The following LINGO2 variants were observed in gnomAD, a reference collection of about 807,000 sequenced individuals.
LINGO2 encodes leucine-rich repeat and immunoglobulin-like domain-containing nogo receptor-interacting protein 2.
In LINGO2, 14 loss-of-function variants were observed where a neutral mutation model predicts 30.6. The ratio of observed to expected loss-of-function variants is 0.46; its 90% confidence interval spans 0.30 to 0.72. LINGO2 has a LOEUF of 0.72. Ranked by LOEUF, LINGO2 falls within the 30% of genes least tolerant of loss-of-function variation. The pLI is 0.07. For missense variants in LINGO2, 729 were observed against 751.7 expected (o/e 0.97, Z 0.35); for synonymous variants, 317 against 288.5 (o/e 1.10, Z -1.00).
At chr9:29,030,551 T>C in the LINGO2 span, among the ~76,000 whole-genome samples, 5 of 152,290 alleles carry the variant, frequency 3.3e-5, no homozygotes, top group Non-Finnish European at 7.4e-5. Context: ...TTCATGACCA[T>C]GACACTTTTG....
At chr9:28,732,279 A>C in the LINGO2 span, among the ~76,000 whole-genome samples, 1 of 152,136 alleles carries the variant, frequency 6.6e-6, no homozygotes. Context: ...AAGCAAACTA[A>C]AATTTTTAGA....
At chr9:29,016,050 G>A in the LINGO2 span, among the ~76,000 whole-genome samples, 1 of 152,022 alleles carries the variant, frequency 6.6e-6, no homozygotes, top group Non-Finnish European at 1.5e-5. Flanking sequence ...CCTTGCTCAA[G>A]GTATTCATTT....
At chr9:28,401,828 CT>C (rs1822280368) in intron 2 of LINGO2, among the ~76,000 whole-genome samples, 2 of 152,138 alleles carry the variant, frequency 1.3e-5, no homozygotes, top group African/African-American at 4.8e-5. Flanking sequence ...AATTGCCATT[CT>C]GACTGGCATG....
intron 1 of LINGO2, among the ~76,000 whole-genome samples, chr9:28,570,971 GA>G (rs952748010): frequency 1.3e-4 from 19 of 146,086 alleles, no homozygotes; most frequent in East Asian, 4.0e-4. Context: ...ATATTCAACT[GA>G]AAAAAAAAGA....
At chr9:28,556,678 C>T (rs1441955534) in intron 1 of LINGO2, among the ~76,000 whole-genome samples, 18 of 151,780 alleles carry the variant, frequency 1.2e-4, no homozygotes, top group Non-Finnish European at 2.4e-4. Context: ...AAAAAGAGCC[C>T]GCATCTCCAA....
chr9:29,165,527 T>C, the LINGO2 span, among the ~76,000 whole-genome samples: 1 of 152,096 alleles, frequency 6.6e-6, no homozygotes, highest in South Asian at 2.1e-4. Context: ...AATTTTATAT[T>C]GTCTCCTGAG....
At chr9:28,634,163 A>G (rs1284277643) in intron 1 of LINGO2, among the ~76,000 whole-genome samples, 2 of 152,200 alleles carry the variant, frequency 1.3e-5, no homozygotes, top group African/African-American at 4.8e-5. Context: ...TTTAGGTCTT[A>G]CTAGTTCCCA....
the LINGO2 span, among the ~76,000 whole-genome samples, chr9:28,887,764 C>T: frequency 3.3e-5 from 5 of 152,046 alleles, no homozygotes; most frequent in Non-Finnish European, 7.4e-5. Flanking sequence ...GGTCTACTGA[C>T]CAGTGATTGA....
In LINGO2 at chr9:28,069,887, G is replaced by T. The variant is rs144094050; in HGVS notation, c.-86-57482C>A. 1.2e-4 allele frequency among the ~76,000 whole-genome samples: 19 copies of T among 152,294 alleles called. 1 individual carries two copies. In the East Asian group the frequency reaches 3.7e-3, roughly 29 times the overall value. On this transcript the variant is annotated intron_variant, in intron 4 of 5. Transcript: ENST00000379992. ...TTGCTTAACTGCCAAATAGCCATGT[G>T]GAAAGTGAAAGCTCTTCCAGCAATT...
At chr9:28,400,650 A>G (rs908661432) in intron 2 of LINGO2, among the ~76,000 whole-genome samples, 3 of 152,230 alleles carry the variant, frequency 2.0e-5, no homozygotes, top group Non-Finnish European at 4.4e-5. Flanking sequence ...TCAAACCTTG[A>G]ACAAATAATT....
intron 5 of LINGO2, among the ~76,000 whole-genome samples, chr9:28,008,615 A>G (rs1360332074): frequency 6.6e-6 from 1 of 152,178 alleles, no homozygotes; most frequent in Non-Finnish European, 1.5e-5. Flanking sequence ...TACAAGATCA[A>G]TATAAATACA....
intron 1 of LINGO2, among the ~76,000 whole-genome samples, chr9:28,523,022 A>G (rs1173001363): frequency 6.6e-6 from 1 of 152,118 alleles, no homozygotes; most frequent in Non-Finnish European, 1.5e-5. Context: ...AAAGCAGTGG[A>G]GTGAAAATAT....
the LINGO2 span, among the ~76,000 whole-genome samples, chr9:28,780,028 C>G: frequency 6.6e-6 from 1 of 152,138 alleles, no homozygotes; most frequent in Admixed American, 6.6e-5. Flanking sequence ...GTCAAAACTT[C>G]TAACTCATTG....
At chr9:28,090,987 C>T (rs1826065854) in intron 4 of LINGO2, among the ~76,000 whole-genome samples, 1 of 152,088 alleles carries the variant, frequency 6.6e-6, no homozygotes, top group African/African-American at 2.4e-5. Context: ...GGATAAAATA[C>T]CTAGGAATCC....
At chr9:28,207,866 A>T (rs1401709945) in intron 4 of LINGO2, among the ~76,000 whole-genome samples, 1 of 152,002 alleles carries the variant, frequency 6.6e-6, no homozygotes, top group Non-Finnish European at 1.5e-5. Context: ...AAAGAGAAAG[A>T]GGGTGTTTTT....
At chr9:28,719,350 T>C in the LINGO2 span, among the ~76,000 whole-genome samples, 2 of 152,058 alleles carry the variant, frequency 1.3e-5, no homozygotes, top group Non-Finnish European at 2.9e-5. Context: ...TTTCCTGTGC[T>C]GACTGCTTTG....
At chr9:28,395,852 A>T (rs934616975) in intron 2 of LINGO2, among the ~76,000 whole-genome samples, 2 of 152,138 alleles carry the variant, frequency 1.3e-5, no homozygotes, top group African/African-American at 2.4e-5. Flanking sequence ...TTGGAACAGG[A>T]CTTATTAAGC....
the LINGO2 span, among the ~76,000 whole-genome samples, chr9:28,856,475 C>G: frequency 1.6e-4 from 24 of 151,978 alleles, 1 homozygote; most frequent in Non-Finnish European, 3.5e-4. Flanking sequence ...GAGGACTTAT[C>G]TGGACTGTCC....
rs543136030 is a variant in LINGO2, at chr9:28,346,910, T to A, written c.-246+25926A>T. On this transcript the variant is annotated intron_variant, in intron 3 of 5. Transcript: ENST00000379992. ...TTTTTTCTTGTAAATTTAAGTTCCT[T>A]ATAGATATAGGTTAGTAGACTTTTG... Among the ~76,000 whole-genome samples the A allele has an allele frequency of 7.2e-5, 11 of 152,202 alleles. No individual in the cohort carries two copies. The South Asian group carries it at 1.7e-3, about 23-fold the overall frequency.
Sources: allele counts gnomAD v4.1 joint callset (sites outside exome capture counted in the v4.1 genomes callset), GRCh38; gene constraint gnomAD v4.1.1; transcripts MANE v1.5; gene names NCBI Gene and HGNC (gene_info 2026-07-23, HGNC 2026-07-21).